NT5DC1: variants seen among roughly 807,000 people sequenced by gnomAD.
NT5DC1 encodes the protein 5'-nucleotidase domain containing 1, also known as 5'-nucleotidase domain-containing protein 1.
In NT5DC1, 42 loss-of-function variants were observed where a neutral mutation model predicts 59.4. That is an observed-to-expected ratio of 0.71 (90% confidence interval 0.55 to 0.92). The LOEUF is 0.92. NT5DC1 is among the 40% of genes least tolerant of loss of function. NT5DC1 has a pLI of 0.00. For synonymous variants in NT5DC1, 172 were observed against 188.1 expected (o/e 0.91, Z 0.70); for missense variants, 501 against 537.1 (o/e 0.93, Z 0.66).
chr6:116,153,201 A>G (rs1035622227), intron 6 of NT5DC1, among the ~76,000 whole-genome samples: 2 of 152,038 alleles, frequency 1.3e-5, no homozygotes, highest in Non-Finnish European at 2.9e-5. Flanking sequence ...AGAATTAAGA[A>G]TTTTTTTAAA....
intron 6 of NT5DC1, among the ~76,000 whole-genome samples, chr6:116,199,512 A>C (rs1781303044): frequency 6.6e-6 from 1 of 152,118 alleles, no homozygotes; most frequent in Non-Finnish European, 1.5e-5. Context: ...TCTTTAAAAA[A>C]CAAAGAAGTC....
rs1369757432 is a variant in NT5DC1 at position 116,245,047 on chromosome 6, T to G, written c.*1023T>G. On this transcript the variant is annotated 3_prime_UTR_variant, in exon 12 of 12. Transcript: ENST00000319550. ...TGTAGTTAAAACTATTTAATGTAAT[T>G]TGAATTTAATTTCTGTAATTGGGAA... 6.6e-6 allele frequency: 1 copy of G among 152,080 alleles called. No individual in the cohort carries two copies. The highest frequency in any genetic ancestry group is 1.5e-5 in the Non-Finnish European group (1 of 68,014). The allele number at this position is 152,080 out of a possible 1,614,324, so 9.4% of individuals were successfully genotyped here.
chr6:116,195,654 T>C (rs1781206885), intron 6 of NT5DC1, among the ~76,000 whole-genome samples: 2 of 152,038 alleles, frequency 1.3e-5, no homozygotes, highest in Non-Finnish European at 1.5e-5. Context: ...CAGAACAGCT[T>C]TTAAATTTTT....
At chr6:116,168,605 C>A (rs537669236) in intron 6 of NT5DC1, among the ~76,000 whole-genome samples, 2 of 151,854 alleles carry the variant, frequency 1.3e-5, no homozygotes, top group African/African-American at 2.4e-5. Context: ...CTGGTTCTGT[C>A]GTGTATTTTC....
At chr6:116,163,135 AAAAAAAATATAT>A (rs1463767962) in intron 6 of NT5DC1, among the ~76,000 whole-genome samples, 2 of 98,572 alleles carry the variant, frequency 2.0e-5, no homozygotes, top group Non-Finnish European at 4.0e-5. Flanking sequence ...TCAAAAAAAA[AAAAAAAATATAT>A]ATATATATAT....
chr6:116,115,707 C>T lies in NT5DC1; in HGVS notation c.381C>T (p.Tyr127=), dbSNP rs893732410. 32 of 1,594,236 alleles carry T rather than the reference C, an allele frequency of 2.0e-5. No homozygotes were observed. The highest frequency in any genetic ancestry group is 2.7e-5 in the Non-Finnish European group (31 of 1,162,320). Residue 127 remains tyrosine (Y), a synonymous_variant, in exon 5 of 12, where the codon TAC becomes TAT. Coordinates refer to ENST00000319550, the MANE Select transcript of NT5DC1 (RefSeq NM_152729.3). ...CTTTTTTAGGAAAGTATTACTTTTA[C>T]GACAACTACTTTGACCTGCCAGGAG... ...MACRSGKYYF[Y]DNYFDLPGAL...
intron 6 of NT5DC1, among the ~76,000 whole-genome samples, chr6:116,196,966 A>G (rs1418175061): frequency 2.6e-5 from 4 of 151,366 alleles, no homozygotes; most frequent in African/African-American, 4.9e-5. Context: ...ATCTAGTTGC[A>G]TCTGACCAGC....
At chr6:116,149,979 A>G (rs977242458) in intron 6 of NT5DC1, among the ~76,000 whole-genome samples, 1 of 152,212 alleles carries the variant, frequency 6.6e-6, no homozygotes, top group African/African-American at 2.4e-5. Flanking sequence ...TTTATTCCCT[A>G]TGATGTCTCC....
chr6:116,209,694 T>G (rs1781534297), intron 6 of NT5DC1, among the ~76,000 whole-genome samples: 1 of 151,672 alleles, frequency 6.6e-6, no homozygotes, highest in Non-Finnish European at 1.5e-5. Context: ...TTATTTGGGG[T>G]TTTTTTTCCT....
At chr6:116,176,074 C>T (rs953178400) in intron 6 of NT5DC1, among the ~76,000 whole-genome samples, 13 of 152,186 alleles carry the variant, frequency 8.5e-5, no homozygotes, top group African/African-American at 2.7e-4. Flanking sequence ...CTTGCCTCTT[C>T]TACTACGCTG....
chr6:116,241,672 C>T (rs1402628946), intron 11 of NT5DC1, among the ~76,000 whole-genome samples: 3 of 151,876 alleles, frequency 2.0e-5, no homozygotes, highest in African/African-American at 4.8e-5. Flanking sequence ...GCCTGTAATC[C>T]CAGCACTTTG....
intron 6 of NT5DC1, among the ~76,000 whole-genome samples, chr6:116,133,183 C>A (rs1229880986): frequency 2.0e-5 from 3 of 152,106 alleles, no homozygotes; most frequent in Non-Finnish European, 4.4e-5. Flanking sequence ...TCCATAGTAA[C>A]CCAGCTGAGT....
At chr6:116,186,490 C>A (rs1454112061) in intron 6 of NT5DC1, among the ~76,000 whole-genome samples, 3 of 151,904 alleles carry the variant, frequency 2.0e-5, no homozygotes, top group Non-Finnish European at 4.4e-5. Context: ...TTTTAGATTT[C>A]TCTTCTTCCT....
At chr6:116,207,347 T>C (rs1187826602) in intron 6 of NT5DC1, among the ~76,000 whole-genome samples, 8 of 129,876 alleles carry the variant, frequency 6.2e-5, no homozygotes, top group Non-Finnish European at 9.6e-5. Flanking sequence ...ATGGTGGACT[T>C]AATGTATTCT....
In NT5DC1 at chr6:116,121,067, C is replaced by T. The variant is rs1403393545; in HGVS notation, c.529+3122C>T. On this transcript the variant is annotated intron_variant, in intron 6 of 11. Transcript: ENST00000319550. ...TGGGAGACCATGGCTACCCGGGATG[C>T]CTTTTGGTCCTTGGGGTCCCATATT... 4 of 1,614,084 alleles carry T rather than the reference C, an allele frequency of 2.5e-6. No homozygotes were observed. Among genetic ancestry groups the T allele is most frequent in the Middle Eastern group, 3.3e-4 (2 of 6,062 alleles).
Position 116,238,188 on chromosome 6 carries a change from T to A in NT5DC1, c.923T>A (p.Val308Asp). 1 of 1,606,702 alleles carries A rather than the reference T, an allele frequency of 6.2e-7. No individual in the cohort carries two copies. The highest frequency in any genetic ancestry group is 8.5e-7 in the Non-Finnish European group (1 of 1,175,928). ...KKMTGKPEPKVVYFGDSMHSD... is the reference protein window; with the variant it reads ...KKMTGKPEPKDVYFGDSMHSD... ...CAGCATCTGCTATCTGTCTTACAGG[T>A]TGTTTATTTTGGTGACAGCATGCAT... is the stretch of plus-strand genomic sequence containing the variant. The change falls in exon 10 of 12, where the codon GTT becomes GAT. Residue 308 changes from valine to aspartate, a missense_variant and splice_region_variant. Transcript: ENST00000319550.
chr6:116,138,954 G>A (rs1002703151), intron 6 of NT5DC1, among the ~76,000 whole-genome samples: 1 of 152,032 alleles, frequency 6.6e-6, no homozygotes, highest in African/African-American at 2.4e-5. Flanking sequence ...TATTAGTTTT[G>A]TGACCAGTAG....
At chr6:116,184,846 A>G (rs1181932632) in intron 6 of NT5DC1, among the ~76,000 whole-genome samples, 1 of 151,752 alleles carries the variant, frequency 6.6e-6, no homozygotes, top group Non-Finnish European at 1.5e-5. Context: ...TTGTTATATT[A>G]TGTTTTGTAA....
intron 11 of NT5DC1, among the ~76,000 whole-genome samples, chr6:116,242,068 T>TA (rs912679599): frequency 3.3e-5 from 5 of 151,938 alleles, no homozygotes; most frequent in South Asian, 2.1e-4. Context: ...TAGCCAATTT[T>TA]AAAAAAATAA....
Sources: allele counts gnomAD v4.1 joint callset (sites outside exome capture counted in the v4.1 genomes callset), GRCh38; gene constraint gnomAD v4.1.1; transcripts MANE v1.5; gene names NCBI Gene and HGNC (gene_info 2026-07-23, HGNC 2026-07-21).